SLC25A48: variants seen among roughly 807,000 people sequenced by gnomAD.
The protein encoded by SLC25A48 is solute carrier family 25 member 48.
SLC25A48 carries 29 observed loss-of-function variants against 32.2 expected under a neutral mutation model. The observed-to-expected ratio is 0.90, with a 90% CI of 0.67 to 1.23. The LOEUF is 1.23. Among genes scored for constraint, SLC25A48 ranks in the 50% most tolerant of loss-of-function variants. The probability of loss-of-function intolerance (pLI) is 0.00; values close to 1 mark genes in which losing one functional copy is unlikely to be tolerated. For synonymous variants in SLC25A48, 164 were observed against 172.3 expected (o/e 0.95, Z 0.38); for missense variants, 399 against 422.7 (o/e 0.94, Z 0.49).
At chr5:135,664,772 G>T (rs1753483009) in intron 3 of SLC25A48, among the ~76,000 whole-genome samples, 1 of 152,134 alleles carries the variant, frequency 6.6e-6, no homozygotes, top group Non-Finnish European at 1.5e-5. Flanking sequence ...TTTTGTGGCT[G>T]AGTAGTATTA....
In SLC25A48 at chr5:135,823,858, T is replaced by G. The variant is rs564728529; in HGVS notation, c.-117+10932T>G. On this transcript the variant is annotated intron_variant, in intron 4 of 10. Transcript: ENST00000646290. ...AGCATTAGCCCATGCAGAGCCCCTG[T>G]GGCAGGAGGATGCTTGGCAAGTGAG... Among the ~76,000 whole-genome samples the G allele has an allele frequency of 5.9e-5, 9 of 152,320 alleles. 1 individual carries two copies. In the South Asian group the frequency reaches 1.7e-3, roughly 28 times the overall value.
chr5:135,621,521 T>C (rs1752324135), intron 1 of SLC25A48, among the ~76,000 whole-genome samples: 1 of 152,102 alleles, frequency 6.6e-6, no homozygotes, highest in African/African-American at 2.4e-5. Flanking sequence ...GCCTTAATAA[T>C]AATAAAATAA....
chr5:135,781,035 C>A lies in SLC25A48; in HGVS notation c.-520-31488C>A, dbSNP rs1310534796. 2.6e-5 allele frequency among the ~76,000 whole-genome samples: 3 copies of A among 116,242 alleles called. 1 individual carries two copies. The highest frequency in any genetic ancestry group is 7.8e-5 in the African/African-American group (3 of 38,224). The allele number at this position is 116,242 out of a possible 152,430, so 76.3% of individuals were successfully genotyped here. A position where few individuals can be genotyped will look rare whatever the true frequency, so the allele number is the denominator to read the frequency against. On this transcript the variant is annotated intron_variant, in intron 3 of 10. Coordinates refer to the SLC25A48 transcript ENST00000646290. ...ATCCAGGGGGGAGATGATGATTCTA[C>A]TTCCAATATTGCAGGGGGCGTACAC...
chr5:135,785,634 A>T (rs1407738873), intron 3 of SLC25A48, among the ~76,000 whole-genome samples: 1 of 140,290 alleles, frequency 7.1e-6, no homozygotes. Flanking sequence ...AATATCCAGG[A>T]AAAGAGAGGG....
chr5:135,753,146 C>G (rs1755809492), intron 3 of SLC25A48, among the ~76,000 whole-genome samples: 1 of 151,898 alleles, frequency 6.6e-6, no homozygotes, highest in Non-Finnish European at 1.5e-5. Flanking sequence ...TGTACAGAAA[C>G]AGGTATACTC....
intron 3 of SLC25A48, among the ~76,000 whole-genome samples, chr5:135,799,725 G>A (rs550779301): frequency 4.7e-4 from 71 of 151,844 alleles, no homozygotes; most frequent in African/African-American, 1.7e-3. Context: ...AATATCCGCT[G>A]CAGAGAGAGG....
intron 4 of SLC25A48, among the ~76,000 whole-genome samples, chr5:135,822,581 T>G (rs1757919928): frequency 6.6e-6 from 1 of 152,146 alleles, no homozygotes; most frequent in Admixed American, 6.5e-5. Context: ...CAAATTTCCC[T>G]CATCTTATAG....
At chr5:135,652,609 C>G (rs899941124) in intron 3 of SLC25A48, 1 of 363,382 alleles carries the variant, frequency 2.8e-6, no homozygotes, top group Middle Eastern at 3.8e-4. Context: ...TGGGATTAAA[C>G]ACCCTGAAAG....
At chr5:135,791,553 A>G (rs756499120) in intron 3 of SLC25A48, among the ~76,000 whole-genome samples, 7 of 151,728 alleles carry the variant, frequency 4.6e-5, no homozygotes, top group Non-Finnish European at 8.9e-5. Context: ...TCCTAGGAGT[A>G]TGTTACTCCT....
intron 4 of SLC25A48, among the ~76,000 whole-genome samples, chr5:135,814,572 CTGGGCA>C (rs1437567409): frequency 6.6e-6 from 1 of 152,140 alleles, no homozygotes; most frequent in African/African-American, 2.4e-5. Context: ...TGCAGTCTGT[CTGGGCA>C]GCAAGCATGC....
At chr5:135,887,315 C>T (rs905003147) in intron 7 of SLC25A48, among the ~76,000 whole-genome samples, 1 of 152,180 alleles carries the variant, frequency 6.6e-6, no homozygotes, top group South Asian at 2.1e-4. Flanking sequence ...TGCATTATAG[C>T]CTTTGGGAAA....
chr5:135,608,243 T>G (rs1751984767), intron 1 of SLC25A48, among the ~76,000 whole-genome samples: 1 of 152,144 alleles, frequency 6.6e-6, no homozygotes, highest in African/African-American at 2.4e-5. Context: ...AAGACTATCT[T>G]GATTGGGAGG....
chr5:135,854,923 G>T (rs1364001618), intron 4 of SLC25A48, among the ~76,000 whole-genome samples: 3 of 152,154 alleles, frequency 2.0e-5, no homozygotes, highest in Non-Finnish European at 2.9e-5. Flanking sequence ...AACACTTAGA[G>T]GTCATTGTAG....
intron 3 of SLC25A48, among the ~76,000 whole-genome samples, chr5:135,804,096 C>T (rs1372972563): frequency 6.6e-6 from 1 of 151,588 alleles, no homozygotes; most frequent in Admixed American, 6.6e-5. Flanking sequence ...GATGTACACC[C>T]CCTTTGACAT....
intron 3 of SLC25A48, among the ~76,000 whole-genome samples, chr5:135,665,494 T>C (rs1753500739): frequency 6.6e-6 from 1 of 152,150 alleles, no homozygotes; most frequent in Non-Finnish European, 1.5e-5. Context: ...GGGGTCTTAG[T>C]CATGAATTCT....
At chr5:135,600,822 A>G (rs2126883535) in intron 1 of SLC25A48, among the ~76,000 whole-genome samples, 2 of 150,080 alleles carry the variant, frequency 1.3e-5, no homozygotes, top group South Asian at 4.2e-4. Context: ...AGCTGGGACT[A>G]CAGGTACGTG....
chr5:135,884,957 C>G (rs1317487491), intron 7 of SLC25A48, among the ~76,000 whole-genome samples: 4 of 152,100 alleles, frequency 2.6e-5, no homozygotes, highest in African/African-American at 9.7e-5. Context: ...ATTGCTGATC[C>G]AGTTCACAGA....
chr5:135,687,103 C>T (rs17679920), intron 3 of SLC25A48, among the ~76,000 whole-genome samples: 30,967 of 151,990 alleles, frequency 0.2, 3,374 homozygotes, highest in Middle Eastern at 0.3. Flanking sequence ...TGAAGTTGTG[C>T]GCTCTTCTGT....
At position 135,880,071 on chromosome 5, in the gene SLC25A48, A is replaced by G; in HGVS notation, c.917A>G (p.His306Arg). Residue 306 changes from histidine (H) to arginine (R), a missense_variant, in exon 7 of 8, where the codon CAC (histidine) becomes CGC (arginine). His to Arg is a conservative substitution (Grantham distance 29). Coordinates refer to ENST00000681962, the MANE Select transcript of SLC25A48 (RefSeq NM_001349336.2). ...ELSLQAIRGD[H>R]AVTSP ...TCGCTGCAGGCTATCCGCGGGGACC[A>G]CGCAGTGACGAGCCCATAAGCGCCA... is the stretch of plus-strand genomic sequence containing the variant. 6.5e-7 allele frequency: 1 copy of G among 1,535,860 alleles called. No homozygotes were observed. Among genetic ancestry groups the G allele is most frequent in the African/African-American group, 1.4e-5 (1 of 73,050 alleles).
Sources: allele counts gnomAD v4.1 joint callset (sites outside exome capture counted in the v4.1 genomes callset), GRCh38; gene constraint gnomAD v4.1.1; transcripts MANE v1.5; gene names NCBI Gene and HGNC (gene_info 2026-07-23, HGNC 2026-07-21).